Variants in CYP4F22 observed in about 807,000 individuals in gnomAD.
The protein encoded by CYP4F22 is cytochrome P450 family 4 subfamily F member 22, also known as ultra-long-chain fatty acid omega-hydroxylase.
A neutral mutation model predicts 60.4 loss-of-function variants in CYP4F22; 37 were observed. The observed-to-expected ratio is 0.61, with a 90% CI of 0.47 to 0.81. CYP4F22 has a LOEUF of 0.81. CYP4F22 is among the 30% of genes least tolerant of loss of function. The pLI, the probability that CYP4F22 is intolerant of heterozygous loss-of-function variation, is 0.00. For synonymous variants in CYP4F22, 258 were observed against 280.5 expected, an observed-to-expected ratio of 0.92 and a Z score of 0.80; for missense variants, 655 against 715.0, an observed-to-expected ratio of 0.92 and a Z score of 0.96.
Position 15,525,570 on chromosome 19 carries a change from C to G in CYP4F22, c.222+12C>G, listed in dbSNP as rs907139584. The G allele has an allele frequency of 3.7e-6, 6 of 1,604,782 alleles. No individual in the cohort carries two copies. The highest frequency in any genetic ancestry group is 5.1e-6 in the Non-Finnish European group (6 of 1,179,410). ...GCCACCTGGGCATGGTAAGTGTGGC[C>G]AGGCAGGACTGGGCTGGGCTGGGCT... On this transcript the variant is annotated intron_variant, in intron 3 of 13. Coordinates refer to ENST00000269703, the MANE Select transcript of CYP4F22 (RefSeq NM_173483.4).
intron 1 of CYP4F22, among the ~76,000 whole-genome samples, chr19:15,522,016 G>A (rs1174377145): frequency 1.3e-5 from 2 of 151,990 alleles, no homozygotes; most frequent in Non-Finnish European, 2.9e-5. Flanking sequence ...ATGGTGGCGG[G>A]TGCCTATAAT....
At chr19:15,531,866 A>T (rs1971346356) in intron 4 of CYP4F22, among the ~76,000 whole-genome samples, 1 of 152,080 alleles carries the variant, frequency 6.6e-6, no homozygotes, top group Non-Finnish European at 1.5e-5. Flanking sequence ...GCACTTTGGG[A>T]GGCCACGGCA....
Position 15,537,662 on chromosome 19 carries a change from T to C in CYP4F22, c.549T>C (p.His183=). The C allele has an allele frequency of 3.1e-6, 5 of 1,612,486 alleles. No homozygotes were observed. The highest frequency in any genetic ancestry group is 1.3e-5 in the African/African-American group (1 of 75,048). Residue 183 remains histidine, a splice_region_variant and synonymous_variant, in exon 6 of 14, where the codon CAT becomes CAC. Coordinates refer to ENST00000269703, the MANE Select transcript of CYP4F22 (RefSeq NM_173483.4). ...KIFNQSADIM[H]AKWRHLAEGS... ...TCAACCAGAGCGCTGACATTATGCA[T>C]GTGAGTCCTAAGGCTTTGAGGGAAG... is the stretch of plus-strand genomic sequence containing the variant.
intron 8 of CYP4F22, 74 bp downstream of exon 8, chr19:15,540,791 G>T: frequency 6.3e-7 from 1 of 1,582,998 alleles, no homozygotes; most frequent in Non-Finnish European, 8.7e-7. Flanking sequence ...AAAATGATAA[G>T]TGTTAAAACT....
chr19:15,534,616 C>T (rs903897233), intron 4 of CYP4F22, among the ~76,000 whole-genome samples: 1 of 152,128 alleles, frequency 6.6e-6, no homozygotes, highest in Non-Finnish European at 1.5e-5. Context: ...TGCACCTGGC[C>T]TACCATCTCC....
intron 1 of CYP4F22, among the ~76,000 whole-genome samples, chr19:15,520,564 G>C (rs142530188): frequency 6.6e-6 from 1 of 151,692 alleles, no homozygotes; most frequent in East Asian, 1.9e-4. Context: ...ACCACACACA[G>C]AGCCTCAGTG....
At position 15,509,885 on chromosome 19, in the gene CYP4F22, C is replaced by CTTTCTTTCT. The variant is rs1210119534; in HGVS notation, c.-109+1304_-109+1305insTCTTTCTTT. Among the ~76,000 whole-genome samples the CTTTCTTTCT allele has an allele frequency of 1.0e-4, 12 of 114,726 alleles. No homozygotes were observed. The South Asian group carries it at 1.5e-3, about 14-fold the overall frequency. The allele number at this position is 114,726 out of a possible 152,430, so 75.3% of individuals were successfully genotyped here. A position where few individuals can be genotyped will look rare whatever the true frequency, so the allele number is the denominator to read the frequency against. ...CCTTCCTTCCTTCCTTCCTTCCTTC[C>CTTTCTTTCT]TTCCTTCCTTCCTTCCTTCCTTTCT... On this transcript the variant is annotated intron_variant, in intron 1 of 13. Transcript: ENST00000269703.
At chr19:15,512,970 T>G (rs1971108780) in intron 1 of CYP4F22, among the ~76,000 whole-genome samples, 1 of 149,760 alleles carries the variant, frequency 6.7e-6, no homozygotes, top group South Asian at 2.1e-4. Flanking sequence ...CTGCCACCAT[T>G]TTTCCTGGGT....
chr19:15,518,662 A>G (rs1329768876), intron 1 of CYP4F22, among the ~76,000 whole-genome samples: 1 of 148,972 alleles, frequency 6.7e-6, no homozygotes, highest in Non-Finnish European at 1.5e-5. Context: ...AAAAAAAAAA[A>G]AAAAAAAGAA....
In CYP4F22 at chr19:15,551,278, T is replaced by A; in HGVS notation, c.1419-16T>A. 3 of 1,608,294 alleles carry A rather than the reference T, an allele frequency of 1.9e-6. No individual in the cohort carries two copies. The South Asian group carries it at 3.3e-5, about 18-fold the overall frequency. On this transcript the variant is annotated splice_polypyrimidine_tract_variant and intron_variant, in intron 13 of 13. Transcript: ENST00000269703. ...ACACAGAAGCTGGGCCTGAGCCCTGTCCCCTCTTCCTCCAGGAATTGCATC... is the reference window on the plus strand; with the variant it reads ...ACACAGAAGCTGGGCCTGAGCCCTGACCCCTCTTCCTCCAGGAATTGCATC...
intron 12 of CYP4F22, 143 bp from the exon 13 acceptor site, chr19:15,550,531 C>T: frequency 2.6e-6 from 2 of 773,018 alleles, no homozygotes; most frequent in African/African-American, 1.7e-5. Context: ...GGCTGCATTG[C>T]AGGAAGTGCA....
At chr19:15,516,469 A>G (rs1471114638) in intron 1 of CYP4F22, among the ~76,000 whole-genome samples, 1 of 152,196 alleles carries the variant, frequency 6.6e-6, no homozygotes, top group Non-Finnish European at 1.5e-5. Context: ...CAAACTGCAT[A>G]AGGGATAAAA....
At chr19:15,514,720 G>A (rs532302364) in intron 1 of CYP4F22, among the ~76,000 whole-genome samples, 44 of 152,066 alleles carry the variant, frequency 2.9e-4, no homozygotes, top group African/African-American at 9.9e-4. Flanking sequence ...AAGGAAGGCA[G>A]GAAGGAGGAA....
chr19:15,516,783 C>A, intron 1 of CYP4F22: 1 of 581,866 alleles, frequency 1.7e-6, no homozygotes, highest in South Asian at 2.6e-5. Context: ...TCCACTTGCT[C>A]AGAGGATCTC....
chr19:15,529,652 C>T, intron 3 of CYP4F22, 57 bp from the exon 4 acceptor site: 4 of 1,607,384 alleles, frequency 2.5e-6, no homozygotes, highest in Non-Finnish European at 3.4e-6. Flanking sequence ...AGGAGGAAGG[C>T]AGTGGGGGAA....
chr19:15,528,553 T>C (rs1971307691), intron 3 of CYP4F22, among the ~76,000 whole-genome samples: 1 of 125,236 alleles, frequency 8.0e-6, no homozygotes, highest in African/African-American at 2.7e-5. Flanking sequence ...CCTTGACAAC[T>C]CATCCTTTAC....
intron 8 of CYP4F22, among the ~76,000 whole-genome samples, chr19:15,542,332 G>A (rs182573560): frequency 6.6e-6 from 1 of 151,984 alleles, no homozygotes; most frequent in East Asian, 1.9e-4. Flanking sequence ...AGGAGTTCAA[G>A]ACGAGCCTGG....
At chr19:15,524,700 AAGAGAG>A (rs966373371) in intron 2 of CYP4F22, among the ~76,000 whole-genome samples, 1 of 147,034 alleles carries the variant, frequency 6.8e-6, no homozygotes, top group Non-Finnish European at 1.5e-5. Context: ...GAAAGAAAGA[AAGAGAG>A]AGAGAAAGAA....
chr19:15,546,285 C>A (rs917953096), intron 10 of CYP4F22, among the ~76,000 whole-genome samples: 3 of 151,852 alleles, frequency 2.0e-5, no homozygotes, highest in Admixed American at 6.6e-5. Flanking sequence ...CATAAAGTTT[C>A]TTTGAAAGAG....
Sources: allele counts gnomAD v4.1 joint callset (sites outside exome capture counted in the v4.1 genomes callset), GRCh38; gene constraint gnomAD v4.1.1; transcripts MANE v1.5; gene names NCBI Gene and HGNC (gene_info 2026-07-23, HGNC 2026-07-21).